GRK2: variants seen among roughly 807,000 people sequenced by gnomAD.
GRK2 encodes the protein adrenergic beta receptor kinase 1.
GRK2 carries 23 observed loss-of-function variants against 97.8 expected under a neutral mutation model. That is an observed-to-expected ratio of 0.24 (90% CI 0.17 to 0.33). The LOEUF is 0.33. Among genes scored for constraint, GRK2 ranks in the 10% least tolerant of loss-of-function variants. The pLI, the probability that GRK2 is intolerant of heterozygous loss-of-function variation, is 1.00. For missense variants in GRK2, 633 were observed against 956.9 expected, an observed-to-expected ratio of 0.66 and a Z score of 4.47; for synonymous variants, 425 against 381.7, an observed-to-expected ratio of 1.11 and a Z score of -1.32.
At position 67,266,786 on chromosome 11, in the gene GRK2, CA is replaced by C; in HGVS notation, c.89del (p.Lys30ArgfsTer24). On this transcript the variant is annotated frameshift_variant, in exon 1 of 21. Transcript: ENST00000308595. LOFTEE classifies it high-confidence loss of function. Reference protein sequence around the residue: ...SKATPAARASKKILLPEPSIR... With the variant: ...SKATPAARASXKILLPEPSIR... ...AGGCCACGCCGGCCGCGCGCGCCAGCAAGAAGATCCTGCTGCCCGAGCCCAG... is the reference window on the plus strand; with the variant it reads ...AGGCCACGCCGGCCGCGCGCGCCAGCAGAAGATCCTGCTGCCCGAGCCCAG... The C allele has an allele frequency of 7.4e-7, 1 of 1,359,902 alleles. No individual in the cohort carries two copies. The allele number at this position is 1,359,902 out of a possible 1,614,324, so 84.2% of individuals were successfully genotyped here.
rs1276671701 is a variant in GRK2 at position 67,269,040 on chromosome 11, G to A, written c.113+2228G>A. On this transcript the variant is annotated intron_variant, in intron 1 of 20. Transcript: ENST00000308595. The surrounding 1 kb of genome is among the most constrained non-coding windows in gnomAD (Gnocchi z 4.1). ...CATCTGTGAAACGGACTGGAGGTGC[G>A]AGCGCCGAATGTCAGTGCGCTAAGG... is the stretch of plus-strand genomic sequence containing the variant. Among the ~76,000 whole-genome samples the A allele has an allele frequency of 1.3e-5, 2 of 152,204 alleles. No individual in the cohort carries two copies. Among genetic ancestry groups the A allele is most frequent in the Non-Finnish European group, 2.9e-5 (2 of 68,038 alleles).
In GRK2 at chr11:67,281,225, C is replaced by A; in HGVS notation, c.647+41C>A. ...GGCGCGGTGGGATACCTCGGGGAGC[C>A]GGGCTCCTGGGGGACCCTGACAGGC... On this transcript the variant is annotated intron_variant, in intron 8 of 20. Transcript: ENST00000308595. This position sits in a 1 kb window ranked among gnomAD's most constrained non-coding sequence, Gnocchi z 5.7. The A allele has an allele frequency of 3.2e-6, 5 of 1,563,408 alleles. No individual in the cohort carries two copies. The highest frequency in any genetic ancestry group is 4.4e-6 in the Non-Finnish European group (5 of 1,140,766).
Position 67,282,797 on chromosome 11 carries a change from C to G in GRK2, c.1206C>G (p.Ile402Met). 6.2e-7 allele frequency: 1 copy of G among 1,610,338 alleles called. No homozygotes were observed. The highest frequency in any genetic ancestry group is 1.1e-5 in the South Asian group (1 of 91,048). ...RQHKTKDKHE[I>M]DRMTLTMAVE... is the part of the protein sequence containing the mutation. ...ACAAGACCAAAGACAAGCATGAGAT[C>G]GACCGCATGACGCTGACGATGGTGG... The change falls in exon 14 of 21, where the codon ATC (isoleucine) becomes ATG (methionine). Residue 402 changes from isoleucine (I) to methionine (M), a missense_variant. By Grantham distance (10) the Ile-to-Met change is conservative (BLOSUM62 1). Transcript: ENST00000308595. The surrounding 1 kb of genome is among the most constrained non-coding windows in gnomAD (Gnocchi z 6.9).
intron 1 of GRK2, among the ~76,000 whole-genome samples, chr11:67,267,141 G>A (rs1259779380): frequency 6.6e-6 from 1 of 152,108 alleles, no homozygotes; most frequent in South Asian, 2.1e-4. Context: ...TCAGCCCCTG[G>A]CTCCCGCCTT....
In GRK2 at chr11:67,282,118, G is replaced by A; in HGVS notation, c.958-153G>A. The A allele has an allele frequency of 1.6e-6, 2 of 1,233,274 alleles. No homozygotes were observed. Among genetic ancestry groups the A allele is most frequent in the South Asian group, 2.7e-5 (2 of 72,932 alleles). The allele number at this position is 1,233,274 out of a possible 1,614,324, so 76.4% of individuals were successfully genotyped here. A position where few individuals can be genotyped will look rare whatever the true frequency, so the allele number is the denominator to read the frequency against. ...CCACCGAGCCACTCTCTGGGTCCAG[G>A]TTGTAGCTGGGGACAGGAGAGAGGA... is the stretch of plus-strand genomic sequence containing the variant. On this transcript the variant is annotated intron_variant, in intron 11 of 20. Coordinates refer to ENST00000308595, the MANE Select transcript of GRK2 (RefSeq NM_001619.5). This position sits in a 1 kb window ranked among gnomAD's most constrained non-coding sequence, Gnocchi z 6.9.
At chr11:67,272,361 C>T (rs75867759) in intron 1 of GRK2, among the ~76,000 whole-genome samples, 7 of 152,116 alleles carry the variant, frequency 4.6e-5, no homozygotes, top group Admixed American at 2.6e-4. Flanking sequence ...CCTCGGAGCA[C>T]GTGGCCCAGC....
At position 67,283,860 on chromosome 11, in the gene GRK2, C is replaced by T; in HGVS notation, c.1402C>T (p.Pro468Ser). The T allele has an allele frequency of 6.2e-7, 1 of 1,613,036 alleles. No individual in the cohort carries two copies. Among genetic ancestry groups the T allele is most frequent in the South Asian group, 1.1e-5 (1 of 91,066 alleles). The change falls in exon 17 of 21, where the codon CCC (proline) becomes TCC (serine). Residue 468 changes from proline (P) to serine (S), a missense_variant. Physicochemically the swap from Pro to Ser is moderately conservative, Grantham distance 74 (BLOSUM62 -1). This residue lies in a region of GRK2 where 68 missense variants were observed against 71.0 expected (regional missense o/e 0.96). Coordinates refer to ENST00000308595, the MANE Select transcript of GRK2 (RefSeq NM_001619.5). ...WQMVFLQKYP[P>S]PLIPPRGEVN... is the part of the protein sequence containing the mutation. ...GACCCCTGTTCTGCTGCAGTACCCT[C>T]CCCCGCTGATCCCCCCACGAGGGGA...
In GRK2 at chr11:67,284,877, A is replaced by G. The variant is rs1860237225; in HGVS notation, c.1685A>G (p.His562Arg). The change falls in exon 19 of 21, where the codon CAT (histidine) becomes CGT (arginine). Residue 562 changes from histidine to arginine, a missense_variant. Around this residue, in one of 4 missense-constraint regions of GRK2, gnomAD observed 180 missense variants for 311.3 expected, o/e 0.58. Coordinates refer to ENST00000308595, the MANE Select transcript of GRK2 (RefSeq NM_001619.5). Reference protein sequence around the residue: ...DYALGKDCIMHGYMSKMGNPF... With the variant: ...DYALGKDCIMRGYMSKMGNPF... ...GCCCTGGGCAAGGACTGCATCATGC[A>G]TGGCTACATGTCCAAGATGGGCAAC... 1 of 1,613,400 alleles carries G rather than the reference A, an allele frequency of 6.2e-7. No individual in the cohort carries two copies. Among genetic ancestry groups the G allele is most frequent in the Admixed American group, 1.7e-5 (1 of 60,008 alleles).
chr11:67,283,381 T>C, intron 15 of GRK2, 153 bp downstream of exon 15: 1 of 699,632 alleles, frequency 1.4e-6, no homozygotes, highest in Non-Finnish European at 2.5e-6. Context: ...GTTCTCAGAG[T>C]GGAGGGGCTG....
chr11:67,285,269 G>C lies in GRK2; in HGVS notation c.1906-17G>C. 1 of 1,609,098 alleles carries C rather than the reference G, an allele frequency of 6.2e-7. No homozygotes were observed. Among genetic ancestry groups the C allele is most frequent in the African/African-American group, 1.3e-5 (1 of 75,018 alleles). On this transcript the variant is annotated splice_polypyrimidine_tract_variant and intron_variant, in intron 20 of 20. Transcript: ENST00000308595. ...GGGGAGAGCCCCAGCTGACAGAGCT[G>C]GGCTTGGCATGTGCAGAGCGACCCT...
intron 1 of GRK2, among the ~76,000 whole-genome samples, chr11:67,267,056 C>T (rs757163712): frequency 6.6e-6 from 1 of 152,128 alleles, no homozygotes; most frequent in African/African-American, 2.4e-5. Context: ...CCCCATCGGT[C>T]CCCGGACCCA....
chr11:67,268,495 G>A (rs1031214679), intron 1 of GRK2, among the ~76,000 whole-genome samples: 11 of 152,206 alleles, frequency 7.2e-5, no homozygotes, highest in Admixed American at 4.6e-4. Context: ...GGGAGGAAAC[G>A]GGGGAGTCAG....
rs1860262387 is a variant in GRK2 at position 67,285,626 on chromosome 11, G to C, written c.*176G>C. 1 of 780,520 alleles carries C rather than the reference G, an allele frequency of 1.3e-6. No homozygotes were observed. The highest frequency in any genetic ancestry group is 1.9e-6 in the Non-Finnish European group (1 of 516,822). 48.3% of individuals were successfully genotyped at this position (780,520 alleles called of 1,614,324 possible). On this transcript the variant is annotated 3_prime_UTR_variant, in exon 21 of 21. Coordinates refer to ENST00000308595, the MANE Select transcript of GRK2 (RefSeq NM_001619.5). ...CCTCGGCTCCTGCTGCACCAACCCA[G>C]CCGCTGCCCGGCGCCCTCTGTCCTG...
chr11:67,282,459 G>T lies in GRK2; in HGVS notation c.1077G>T (p.Pro359=). The part of the protein sequence containing the change: ...ASVGTHGYMA[P]EVLQKGVAYD... ...GGGGCACCCACGGGTACATGGCTCC[G>T]GAGGTCCTGCAGAAGGGCGTGGCCT... The change falls in exon 13 of 21, where the codon CCG becomes CCT. Residue 359 remains proline, a synonymous_variant. Coordinates refer to ENST00000308595, the MANE Select transcript of GRK2 (RefSeq NM_001619.5). The surrounding 1 kb of genome is among the most constrained non-coding windows in gnomAD (Gnocchi z 6.9). 2 of 1,605,794 alleles carry T rather than the reference G, an allele frequency of 1.2e-6. No homozygotes were observed. Among genetic ancestry groups the T allele is most frequent in the East Asian group, 2.3e-5 (1 of 44,240 alleles).
In GRK2 at chr11:67,280,564, G is replaced by A. The variant is rs1016661282; in HGVS notation, c.504-168G>A. 6.4e-5 allele frequency: 49 copies of A among 766,782 alleles called. No individual in the cohort carries two copies. The Middle Eastern group carries it at 1.0e-3, about 16-fold the overall frequency. 47.5% of individuals were successfully genotyped at this position (766,782 alleles called of 1,614,324 possible). A position where few individuals can be genotyped will look rare whatever the true frequency, so the allele number is the denominator to read the frequency against. On this transcript the variant is annotated intron_variant, in intron 6 of 20. Transcript: ENST00000308595. ...AGCAGCCCTGACTGGTGCTGTGGGC[G>A]GGCAGGCCCTCAACATATCCTTCCT... is the stretch of plus-strand genomic sequence containing the variant.
intron 1 of GRK2, among the ~76,000 whole-genome samples, chr11:67,271,892 T>C (rs1859916165): frequency 6.6e-6 from 1 of 152,224 alleles, no homozygotes; most frequent in South Asian, 2.1e-4. Context: ...CCTTGGTGTC[T>C]GGTTTCCTGG....
At chr11:67,277,998 G>A (rs1860070901) in intron 2 of GRK2, among the ~76,000 whole-genome samples, 1 of 152,236 alleles carries the variant, frequency 6.6e-6, no homozygotes, top group Non-Finnish European at 1.5e-5. Flanking sequence ...GCCTGGGGGA[G>A]TCGGTGTGTC....
chr11:67,280,765 T>C lies in GRK2; in HGVS notation c.537T>C (p.Asn179=), dbSNP rs765902744. 2.5e-6 allele frequency: 4 copies of C among 1,613,956 alleles called. No individual in the cohort carries two copies. The East Asian group carries it at 8.9e-5, about 36-fold the overall frequency. ...TCACACGGTTTTGCCAGTGGAAGAATGTGGAGCTCAACATCCACGTGAGTG... is the reference window on the plus strand; with the variant it reads ...TCACACGGTTTTGCCAGTGGAAGAACGTGGAGCTCAACATCCACGTGAGTG... The part of the protein sequence containing the change: ...DKFTRFCQWK[N]VELNIHLTMN... The change falls in exon 7 of 21, where the codon AAT becomes AAC. Residue 179 remains asparagine, a synonymous_variant. Coordinates refer to ENST00000308595, the MANE Select transcript of GRK2 (RefSeq NM_001619.5).
chr11:67,280,890 C>T, intron 7 of GRK2, 107 bp downstream of exon 7: 1 of 1,376,660 alleles, frequency 7.3e-7, no homozygotes. Flanking sequence ...GATGTCTGTC[C>T]TTTAGCCCCC....
Sources: allele counts gnomAD v4.1 joint callset (sites outside exome capture counted in the v4.1 genomes callset), GRCh38; gene constraint gnomAD v4.1.1; regional missense constraint gnomAD v4.1.1; non-coding constraint Gnocchi (gnomAD v3.1); transcripts MANE v1.5; gene names NCBI Gene and HGNC (gene_info 2026-07-23, HGNC 2026-07-21).